The following LMLN variants were observed in gnomAD, a reference collection of about 807,000 sequenced individuals.
LMLN encodes the protein leishmanolysin-like peptidase.
In LMLN, 70 loss-of-function variants were observed where a neutral mutation model predicts 92.3. That is an observed-to-expected ratio of 0.76 (90% CI 0.63 to 0.92). The LOEUF (loss-of-function observed/expected upper bound fraction) is 0.92. Among genes scored for constraint, LMLN ranks in the 40% least tolerant of loss-of-function variants. The pLI is 0.00. For synonymous variants in LMLN, 308 were observed against 296.2 expected (o/e 1.04, Z -0.41); for missense variants, 691 against 814.6 (o/e 0.85, Z 1.85).
chr3:197,981,179 G>T (rs1333011642), intron 6 of LMLN, among the ~76,000 whole-genome samples: 1 of 151,714 alleles, frequency 6.6e-6, no homozygotes, highest in Non-Finnish European at 1.5e-5. Context: ...AGGCTGAGGC[G>T]GGTGGATCAT....
At chr3:197,984,128 A>ACATCAT in intron 7 of LMLN, 80 bp downstream of exon 7, 3 of 855,780 alleles carry the variant, frequency 3.5e-6, no homozygotes, top group Non-Finnish European at 5.9e-6. Context: ...CATATATTCC[A>ACATCAT]CTTTAAGATG....
chr3:198,009,901 A>G (rs1050632310), intron 11 of LMLN, among the ~76,000 whole-genome samples: 7 of 152,190 alleles, frequency 4.6e-5, no homozygotes, highest in African/African-American at 1.7e-4. Context: ...ACACTGTGAA[A>G]TAATCTCATC....
intron 8 of LMLN, among the ~76,000 whole-genome samples, chr3:197,986,686 G>T (rs1391507004): frequency 4.6e-5 from 7 of 151,986 alleles, no homozygotes; most frequent in African/African-American, 1.7e-4. Context: ...GGAAAAACAG[G>T]AATTAAAAAC....
At chr3:197,984,347 G>A (rs1390722515) in intron 7 of LMLN, among the ~76,000 whole-genome samples, 1 of 152,058 alleles carries the variant, frequency 6.6e-6, no homozygotes, top group Non-Finnish European at 1.5e-5. Context: ...CAGCCTGGTG[G>A]TAGAGGCCGA....
At chr3:198,024,671 C>T (rs1364565223) in exon 14 of LMLN, 1 of 1,588,520 alleles carries the variant, frequency 6.3e-7, no homozygotes, top group Admixed American at 1.8e-5. Context: ...TTTTTAAGAA[C>T]TATGGCGCTG....
intron 11 of LMLN, among the ~76,000 whole-genome samples, chr3:198,014,106 CCTAA>C (rs1458473648): frequency 6.8e-6 from 1 of 146,922 alleles, no homozygotes; most frequent in Non-Finnish European, 1.5e-5. Flanking sequence ...TTCAGAGTCC[CCTAA>C]CTAGTCTGAC....
At chr3:198,038,227 G>A (rs146955801) in intron 15 of LMLN, 92 of 249,332 alleles carry the variant, frequency 3.7e-4, no homozygotes, top group African/African-American at 2.0e-3. Flanking sequence ...ACCCTACTTA[G>A]AAGGTACAAA....
rs1195369931 is a variant in LMLN at position 198,042,500 on chromosome 3, A to G, written c.*3833A>G. 1 of 152,192 alleles carries G rather than the reference A, an allele frequency of 6.6e-6. No individual in the cohort carries two copies. The highest frequency in any genetic ancestry group is 2.4e-5 in the African/African-American group (1 of 41,442). 9.4% of individuals were successfully genotyped at this position (152,192 alleles called of 1,614,324 possible). ...AGAAATTGAAATGGCCCACACGTTGATATCCTGTGGCAGGTTATACCCTTC... is the reference window on the plus strand; with the variant it reads ...AGAAATTGAAATGGCCCACACGTTGGTATCCTGTGGCAGGTTATACCCTTC... On this transcript the variant is annotated 3_prime_UTR_variant, in exon 16 of 16. Transcript: ENST00000330198. The surrounding 1 kb of genome is among the most constrained non-coding windows in gnomAD (Gnocchi z 4.2).
chr3:198,018,131 T>G (rs1246953012), intron 11 of LMLN, among the ~76,000 whole-genome samples: 1 of 152,178 alleles, frequency 6.6e-6, no homozygotes, highest in Non-Finnish European at 1.5e-5. Context: ...CTTTATTCAT[T>G]TAGCCAAAAC....
intron 7 of LMLN, among the ~76,000 whole-genome samples, chr3:197,984,901 T>G (rs1280776794): frequency 1.3e-5 from 2 of 151,832 alleles, no homozygotes; most frequent in Non-Finnish European, 2.9e-5. Flanking sequence ...GGTCTTGAAC[T>G]CCCGGGCTCA....
chr3:197,980,470 G>T (rs1447829646), exon 6 of LMLN: 4 of 1,613,824 alleles, frequency 2.5e-6, no homozygotes, highest in Non-Finnish European at 3.4e-6. Flanking sequence ...CATCTCTTAT[G>T]CAGCCTATTG....
intron 12 of LMLN, among the ~76,000 whole-genome samples, 189 bp from the exon 14 acceptor site, chr3:198,021,257 G>A (rs1371367684): frequency 6.6e-5 from 10 of 152,022 alleles, no homozygotes; most frequent in Admixed American, 6.6e-4. Flanking sequence ...TTGTAAAACT[G>A]TAGCAACCTT....
At chr3:198,028,478 A>G (rs530017051) in intron 14 of LMLN, among the ~76,000 whole-genome samples, 1 of 152,256 alleles carries the variant, frequency 6.6e-6, no homozygotes, top group Non-Finnish European at 1.5e-5. Flanking sequence ...GTGGGATGAA[A>G]TACTTCAGGT....
intron 1 of LMLN, among the ~76,000 whole-genome samples, chr3:197,965,773 G>C (rs1721041209): frequency 6.6e-6 from 1 of 152,248 alleles, no homozygotes; most frequent in Admixed American, 6.5e-5. Context: ...AATTAGTTGG[G>C]TGTGGTGTTG....
chr3:197,981,236 G>A (rs1045409541), intron 6 of LMLN, among the ~76,000 whole-genome samples: 3 of 152,066 alleles, frequency 2.0e-5, no homozygotes, highest in African/African-American at 7.2e-5. Context: ...GCCAGGAGTG[G>A]TGGTGTGTGC....
At chr3:197,981,887 C>G (rs780482294) in intron 6 of LMLN, among the ~76,000 whole-genome samples, 1 of 152,012 alleles carries the variant, frequency 6.6e-6, no homozygotes, top group Non-Finnish European at 1.5e-5. Flanking sequence ...CCACTGCAAC[C>G]TCTGCCTCCC....
chr3:198,012,733 G>A (rs1041347130), intron 11 of LMLN, among the ~76,000 whole-genome samples: 16 of 150,382 alleles, frequency 1.1e-4, no homozygotes, highest in Non-Finnish European at 2.1e-4. Flanking sequence ...ACCCTTCAGA[G>A]CCCCCTAACT....
At chr3:198,014,460 C>G (rs1185125641) in intron 11 of LMLN, among the ~76,000 whole-genome samples, 8 of 119,028 alleles carry the variant, frequency 6.7e-5, no homozygotes, top group Non-Finnish European at 3.5e-5. Context: ...TGACTTCTCT[C>G]CACCCTTCAG....
At chr3:198,038,440 G>T in intron 15 of LMLN, 127 bp from the exon 17 acceptor site, 3 of 693,860 alleles carry the variant, frequency 4.3e-6, no homozygotes, top group Non-Finnish European at 7.5e-6. Context: ...TTTTGCTCTT[G>T]ATTTAGCTCT....
Sources: allele counts gnomAD v4.1 joint callset (sites outside exome capture counted in the v4.1 genomes callset), GRCh38; gene constraint gnomAD v4.1.1; non-coding constraint Gnocchi (gnomAD v3.1); transcripts MANE v1.5; gene names NCBI Gene and HGNC (gene_info 2026-07-23, HGNC 2026-07-21).